Variants in PPP3CA observed in about 807,000 individuals in gnomAD.
The protein encoded by PPP3CA is CAM-PRP catalytic subunit.
Under a neutral mutation model 66.5 loss-of-function variants are expected in PPP3CA, and 14 were observed. The ratio of observed to expected loss-of-function variants is 0.21; its 90% CI spans 0.14 to 0.33. PPP3CA has a LOEUF of 0.33. Ranked by LOEUF, PPP3CA falls within the 10% of genes least tolerant of loss-of-function variation. The pLI is 1.00. For synonymous variants in PPP3CA, 232 were observed against 226.2 expected (o/e 1.03, Z -0.23); for missense variants, 317 against 639.5 (o/e 0.50, Z 5.44).
chr4:101,071,301 C>T (rs1728908501), intron 8 of PPP3CA, among the ~76,000 whole-genome samples: 1 of 152,186 alleles, frequency 6.6e-6, no homozygotes, highest in Admixed American at 6.5e-5. Context: ...ATATCCTTGG[C>T]ACTGAGTTAG....
At chr4:101,228,720 G>A (rs1725859576) in intron 1 of PPP3CA, among the ~76,000 whole-genome samples, 1 of 151,586 alleles carries the variant, frequency 6.6e-6, no homozygotes, top group Non-Finnish European at 1.5e-5. Flanking sequence ...TTGGAATGGG[G>A]TAGGGACAGG....
intron 2 of PPP3CA, among the ~76,000 whole-genome samples, chr4:101,164,561 A>ATTTTT (rs1723626820): frequency 3.2e-5 from 1 of 31,288 alleles, no homozygotes. Context: ...ATGGGATTTA[A>ATTTTT]GTTTTTTTTT....
At chr4:101,170,170 A>G (rs1436780036) in intron 2 of PPP3CA, among the ~76,000 whole-genome samples, 2 of 111,460 alleles carry the variant, frequency 1.8e-5, no homozygotes, top group African/African-American at 5.4e-5. Context: ...ACCAATTGAA[A>G]TAACAAAAGA....
At chr4:101,116,019 T>C (rs1721827645) in intron 2 of PPP3CA, among the ~76,000 whole-genome samples, 2 of 152,036 alleles carry the variant, frequency 1.3e-5, no homozygotes. Flanking sequence ...AGCAAGACTG[T>C]GTCAATACTA....
At chr4:101,037,234 C>A (rs1468706511) in intron 11 of PPP3CA, among the ~76,000 whole-genome samples, 1 of 152,186 alleles carries the variant, frequency 6.6e-6, no homozygotes, top group Non-Finnish European at 1.5e-5. Context: ...AGATTCCACA[C>A]CTGACAGGAC....
chr4:101,214,815 A>G (rs193103924), intron 1 of PPP3CA, among the ~76,000 whole-genome samples: 36 of 152,266 alleles, frequency 2.4e-4, no homozygotes, highest in African/African-American at 8.2e-4. Context: ...TCTTATTTTG[A>G]TAAGCTCTGA....
rs147534891 is a variant in PPP3CA at position 101,218,472 on chromosome 4, AT to A, written c.59-22357del. 2.6e-5 allele frequency among the ~76,000 whole-genome samples: 4 copies of A among 151,862 alleles called. No individual in the cohort carries two copies. The East Asian group carries it at 5.8e-4, about 22-fold the overall frequency. ...ACATACTCTCCTGCCCTTACTGTGG[AT>A]TTTTTTTCCCTTTGCTTAATTTTTG... On this transcript the variant is annotated intron_variant, in intron 1 of 13. Transcript: ENST00000394854.
At chr4:101,149,477 TTA>T (rs1723066643) in intron 2 of PPP3CA, among the ~76,000 whole-genome samples, 1 of 152,150 alleles carries the variant, frequency 6.6e-6, no homozygotes, top group Non-Finnish European at 1.5e-5. Context: ...AAGTCAAACA[TTA>T]ATCTAAGTTA....
At chr4:101,226,439 G>A (rs2110218872) in intron 1 of PPP3CA, among the ~76,000 whole-genome samples, 1 of 151,810 alleles carries the variant, frequency 6.6e-6, no homozygotes, top group South Asian at 2.1e-4. Context: ...AACACAAATG[G>A]TCTAAGTCAG....
At chr4:101,064,671 C>T (rs180683850) in intron 8 of PPP3CA, among the ~76,000 whole-genome samples, 133 of 152,108 alleles carry the variant, frequency 8.7e-4, no homozygotes, top group Middle Eastern at 6.8e-3. Flanking sequence ...CCCCTTTCGC[C>T]CTCTTTAATA....
intron 10 of PPP3CA, among the ~76,000 whole-genome samples, chr4:101,047,875 G>A (rs1289167872): frequency 1.3e-5 from 2 of 152,000 alleles, no homozygotes; most frequent in African/African-American, 2.4e-5. Context: ...ATTATAGATA[G>A]TTCACAATTA....
intron 2 of PPP3CA, among the ~76,000 whole-genome samples, chr4:101,145,052 A>G (rs796144710): frequency 1.8e-4 from 27 of 152,286 alleles, no homozygotes; most frequent in African/African-American, 6.5e-4. Flanking sequence ...GGCATTAAAT[A>G]AAAAAATACT....
At chr4:101,088,120 G>T (rs1729749560) in intron 6 of PPP3CA, among the ~76,000 whole-genome samples, 1 of 151,974 alleles carries the variant, frequency 6.6e-6, no homozygotes. Flanking sequence ...CAGATTGTCT[G>T]TCTCTCTCTC....
chr4:101,230,539 TAAAC>T (rs1347933880), intron 1 of PPP3CA, among the ~76,000 whole-genome samples: 8 of 151,370 alleles, frequency 5.3e-5, no homozygotes, highest in Admixed American at 2.0e-4. Flanking sequence ...AATACATAAA[TAAAC>T]AAACAAACTA....
intron 1 of PPP3CA, among the ~76,000 whole-genome samples, chr4:101,277,791 A>C (rs887802981): frequency 6.6e-6 from 1 of 152,186 alleles, no homozygotes; most frequent in Non-Finnish European, 1.5e-5. Flanking sequence ...TGCTGGCTGC[A>C]AACAGGGTTT....
Position 101,094,539 on chromosome 4 carries a change from A to G in PPP3CA, c.643-624T>C, listed in dbSNP as rs183402308. On this transcript the variant is annotated intron_variant, in intron 5 of 13. Coordinates refer to ENST00000394854, the MANE Select transcript of PPP3CA (RefSeq NM_000944.5). ...ATCTAGGTTTCTAATGATAAACTAC[A>G]AGCCTCCTGTAGTTGATCTTAGTGG... Among the ~76,000 whole-genome samples, 7 of 152,316 alleles carry G rather than the reference A, an allele frequency of 4.6e-5. No homozygotes were observed. In the East Asian group the frequency reaches 1.3e-3, roughly 29 times the overall value.
At chr4:101,112,996 G>A (rs1024998738) in intron 2 of PPP3CA, among the ~76,000 whole-genome samples, 14 of 152,114 alleles carry the variant, frequency 9.2e-5, no homozygotes, top group African/African-American at 3.4e-4. Context: ...TCAACTAAGA[G>A]GCCAGAGATT....
intron 2 of PPP3CA, among the ~76,000 whole-genome samples, chr4:101,147,390 A>G (rs1038287022): frequency 6.6e-6 from 1 of 152,190 alleles, no homozygotes; most frequent in African/African-American, 2.4e-5. Context: ...GTCATGAATG[A>G]GAGTTTGCTG....
At chr4:101,326,334 C>G (rs1404401119) in intron 1 of PPP3CA, among the ~76,000 whole-genome samples, 1 of 152,168 alleles carries the variant, frequency 6.6e-6, no homozygotes, top group Non-Finnish European at 1.5e-5. Flanking sequence ...TATTTAGCAT[C>G]TTTGATTCAC....
Sources: gnomAD v4.1 joint callset for allele counts (sites outside exome capture counted in the v4.1 genomes callset) on GRCh38, gnomAD v4.1.1 for gene constraint, MANE v1.5 for transcripts, NCBI Gene and HGNC (gene_info 2026-07-23, HGNC 2026-07-21) for gene names.